The following CAST variants were observed in gnomAD, a reference collection of about 807,000 sequenced individuals.
CAST encodes calpastatin.
Under a neutral mutation model 119.6 loss-of-function variants are expected in CAST, and 76 were observed. The ratio of observed to expected loss-of-function variants is 0.64; its 90% CI spans 0.53 to 0.77. The LOEUF (loss-of-function observed/expected upper bound fraction) is 0.77, where lower values mean the gene tolerates loss of function less well. Ranked by LOEUF, CAST falls within the 30% of genes least tolerant of loss-of-function variation. The pLI is 0.00. For synonymous variants in CAST, 319 were observed against 331.6 expected (o/e 0.96, Z 0.41); for missense variants, 953 against 946.5 (o/e 1.01, Z -0.09).
chr5:96,448,391 A>C, the CAST span, among the ~76,000 whole-genome samples: 1 of 152,216 alleles, frequency 6.6e-6, no homozygotes, highest in South Asian at 2.1e-4. Flanking sequence ...GCTATCCAAA[A>C]AGCAACTTGC....
chr5:96,647,239 G>A (rs1427050043), intron 1 of CAST, among the ~76,000 whole-genome samples: 3 of 152,108 alleles, frequency 2.0e-5, no homozygotes, highest in African/African-American at 4.8e-5. Flanking sequence ...TCGGTATATC[G>A]TTTTTGTTAA....
the CAST span, among the ~76,000 whole-genome samples, chr5:96,403,756 C>T: frequency 6.6e-6 from 1 of 152,172 alleles, no homozygotes; most frequent in Non-Finnish European, 1.5e-5. Context: ...TCTAATCATA[C>T]CTAAATTAGC....
chr5:96,004,614 C>T, the CAST span, among the ~76,000 whole-genome samples: 567 of 152,210 alleles, frequency 3.7e-3, 5 homozygotes, highest in African/African-American at 0.013. Flanking sequence ...GCTTGAAATG[C>T]TATATACTCC....
chr5:96,254,484 TATTCTA>T, the CAST span, among the ~76,000 whole-genome samples: 1 of 152,190 alleles, frequency 6.6e-6, no homozygotes, highest in African/African-American at 2.4e-5. Context: ...TCTCAATGCT[TATTCTA>T]ATTCTAATAG....
intron 1 of CAST, among the ~76,000 whole-genome samples, chr5:96,638,057 G>A (rs745976172): frequency 6.6e-5 from 10 of 152,178 alleles, no homozygotes; most frequent in Non-Finnish European, 1.0e-4. Context: ...ATGGCATGCA[G>A]CTTGGCAAGG....
the CAST span, among the ~76,000 whole-genome samples, chr5:96,239,362 C>T: frequency 6.6e-6 from 1 of 151,862 alleles, no homozygotes; most frequent in East Asian, 1.9e-4. Context: ...TACTAATTTG[C>T]TATTGAGACT....
chr5:96,551,149 G>A (rs1746118328), intron 1 of CAST, among the ~76,000 whole-genome samples: 1 of 152,168 alleles, frequency 6.6e-6, no homozygotes, highest in Non-Finnish European at 1.5e-5. Flanking sequence ...AGAAAAAAAT[G>A]TTAAGGGCAG....
At chr5:96,096,645 A>T in the CAST span, among the ~76,000 whole-genome samples, 7 of 152,166 alleles carry the variant, frequency 4.6e-5, no homozygotes, top group Non-Finnish European at 7.4e-5. Flanking sequence ...CTATATATCC[A>T]CAGTTGACTG....
chr5:96,570,360 G>A (rs1201440185), intron 1 of CAST, among the ~76,000 whole-genome samples: 1 of 152,182 alleles, frequency 6.6e-6, no homozygotes, highest in Non-Finnish European at 1.5e-5. Context: ...ATGGAGCCAT[G>A]GCCTGGATTA....
the CAST span, among the ~76,000 whole-genome samples, chr5:96,221,889 C>T: frequency 2.0e-5 from 3 of 151,964 alleles, no homozygotes; most frequent in African/African-American, 4.8e-5. Flanking sequence ...AAAACAGCAT[C>T]GTATTGGTAT....
At chr5:96,200,184 G>A in the CAST span, among the ~76,000 whole-genome samples, 1 of 152,080 alleles carries the variant, frequency 6.6e-6, no homozygotes, top group African/African-American at 2.4e-5. Flanking sequence ...AATCACCCAT[G>A]TGCTTCACTC....
the CAST span, chr5:95,980,306 G>C: frequency 6.6e-6 from 1 of 152,196 alleles, no homozygotes; most frequent in South Asian, 2.1e-4. Flanking sequence ...GTGATTGAAA[G>C]TCTCCTTTAA....
At chr5:96,484,060 C>A in the CAST span, among the ~76,000 whole-genome samples, 1 of 152,122 alleles carries the variant, frequency 6.6e-6, no homozygotes, top group East Asian at 1.9e-4. Flanking sequence ...AACTTCAGAA[C>A]CTAGGACAGC....
the CAST span, among the ~76,000 whole-genome samples, chr5:96,233,415 C>T: frequency 5.8e-3 from 883 of 152,018 alleles, 7 homozygotes; most frequent in Non-Finnish European, 9.1e-3. Flanking sequence ...CATGTTAGGT[C>T]TATGTGGCAA....
chr5:96,400,602 G>A, the CAST span, among the ~76,000 whole-genome samples: 2 of 152,252 alleles, frequency 1.3e-5, no homozygotes, highest in East Asian at 1.9e-4. Flanking sequence ...ACCCACAGAC[G>A]AGGCCTTGAC....
the CAST span, among the ~76,000 whole-genome samples, chr5:96,425,568 A>C: frequency 6.6e-6 from 1 of 152,218 alleles, no homozygotes; most frequent in Non-Finnish European, 1.5e-5. Context: ...ATTTATCCCA[A>C]ATAAACTTAA....
At chr5:96,397,204 AC>A in the CAST span, 2 of 783,886 alleles carry the variant, frequency 2.6e-6, no homozygotes, top group Non-Finnish European at 4.4e-6. Context: ...GAAACACTCT[AC>A]TTTTCCCTTA....
chr5:96,510,752 A>T, the CAST span, among the ~76,000 whole-genome samples: 1 of 152,254 alleles, frequency 6.6e-6, no homozygotes, highest in Non-Finnish European at 1.5e-5. Context: ...AAAATTGCCT[A>T]TATTTTTTGA....
At chr5:96,692,696 T>A (rs1006312214) in intron 2 of CAST, among the ~76,000 whole-genome samples, 1 of 152,194 alleles carries the variant, frequency 6.6e-6, no homozygotes, top group Non-Finnish European at 1.5e-5. Flanking sequence ...TCATCCATCC[T>A]GTCTGAAGCA....
Sources: allele counts gnomAD v4.1 joint callset (sites outside exome capture counted in the v4.1 genomes callset), GRCh38; gene constraint gnomAD v4.1.1; transcripts MANE v1.5; gene names NCBI Gene and HGNC (gene_info 2026-07-23, HGNC 2026-07-21).